HS6ST3: variants seen among roughly 807,000 people sequenced by gnomAD.
The protein encoded by HS6ST3 is heparan sulfate 6-O-sulfotransferase 3, also known as heparan-sulfate 6-O-sulfotransferase 3.
In HS6ST3, 12 loss-of-function variants were observed where a neutral mutation model predicts 36.7. That is an observed-to-expected ratio of 0.33 (90% CI 0.21 to 0.53). The LOEUF (loss-of-function observed/expected upper bound fraction) is 0.53, where lower values mean the gene tolerates loss of function less well. Among genes scored for constraint, HS6ST3 ranks in the 20% least tolerant of loss-of-function variants. The pLI is 0.95. For missense variants in HS6ST3, 584 were observed against 640.9 expected, an observed-to-expected ratio of 0.91 and a Z score of 0.96; for synonymous variants, 240 against 257.5, an observed-to-expected ratio of 0.93 and a Z score of 0.65.
At chr13:96,453,611 T>A (rs2055740552) in intron 1 of HS6ST3, among the ~76,000 whole-genome samples, 1 of 152,164 alleles carries the variant, frequency 6.6e-6, no homozygotes, top group Non-Finnish European at 1.5e-5. Flanking sequence ...GTCCTTTCAG[T>A]AGCATTGAAG....
At chr13:96,623,017 T>A (rs980932652) in intron 1 of HS6ST3, among the ~76,000 whole-genome samples, 1 of 152,226 alleles carries the variant, frequency 6.6e-6, no homozygotes, top group Non-Finnish European at 1.5e-5. Context: ...TAGTTTTTAT[T>A]CTACATCTCA....
intron 1 of HS6ST3, among the ~76,000 whole-genome samples, chr13:96,719,129 C>T (rs780286325): frequency 6.6e-6 from 1 of 151,996 alleles, no homozygotes; most frequent in South Asian, 2.1e-4. Context: ...AAAAAATTAG[C>T]AGGGTATGGT....
At chr13:96,408,749 C>T (rs1330734305) in intron 1 of HS6ST3, among the ~76,000 whole-genome samples, 3 of 151,930 alleles carry the variant, frequency 2.0e-5, no homozygotes, top group East Asian at 1.9e-4. Flanking sequence ...CATGGTGAAA[C>T]CCCGTCTTAC....
intron 1 of HS6ST3, among the ~76,000 whole-genome samples, chr13:96,628,470 T>C (rs2056520703): frequency 6.6e-6 from 1 of 152,072 alleles, no homozygotes; most frequent in Non-Finnish European, 1.5e-5. Context: ...AAGAGGAGGC[T>C]ATATTCTAAA....
At chr13:96,593,564 A>G (rs1055233269) in intron 1 of HS6ST3, among the ~76,000 whole-genome samples, 2 of 151,156 alleles carry the variant, frequency 1.3e-5, no homozygotes, top group Non-Finnish European at 2.9e-5. Context: ...TAATTCTACT[A>G]CTAAAAGACT....
At chr13:96,448,599 CT>C (rs2055710893) in intron 1 of HS6ST3, among the ~76,000 whole-genome samples, 1 of 152,092 alleles carries the variant, frequency 6.6e-6, no homozygotes, top group African/African-American at 2.4e-5. Context: ...ATTTATACTT[CT>C]AATAAATCAT....
chr13:96,453,955 T>C (rs540988479), intron 1 of HS6ST3, among the ~76,000 whole-genome samples: 2 of 152,280 alleles, frequency 1.3e-5, no homozygotes, highest in South Asian at 2.1e-4. Context: ...CTTTATCTTA[T>C]CCTCCTTACC....
chr13:96,662,155 G>A (rs940621452), intron 1 of HS6ST3, among the ~76,000 whole-genome samples: 3 of 151,982 alleles, frequency 2.0e-5, no homozygotes, highest in African/African-American at 7.2e-5. Flanking sequence ...GCAAGCCTAG[G>A]GACATTTTCG....
At chr13:96,424,530 T>C (rs1025219631) in intron 1 of HS6ST3, among the ~76,000 whole-genome samples, 2 of 152,214 alleles carry the variant, frequency 1.3e-5, no homozygotes, top group Non-Finnish European at 2.9e-5. Context: ...ATACAAATGA[T>C]AGAAATTTAT....
intron 1 of HS6ST3, among the ~76,000 whole-genome samples, chr13:96,453,949 A>G (rs2055742290): frequency 6.6e-6 from 1 of 152,104 alleles, no homozygotes. Context: ...TCTCCCCTTT[A>G]TCTTATCCTC....
intron 1 of HS6ST3, among the ~76,000 whole-genome samples, chr13:96,421,754 G>A (rs1028491251): frequency 2.0e-5 from 3 of 152,102 alleles, no homozygotes; most frequent in Non-Finnish European, 2.9e-5. Context: ...TTTTGAAAAC[G>A]ACTCTGGTAA....
At chr13:96,142,787 C>T (rs1566892413) in intron 1 of HS6ST3, among the ~76,000 whole-genome samples, 4 of 151,988 alleles carry the variant, frequency 2.6e-5, no homozygotes, top group African/African-American at 7.3e-5. Flanking sequence ...TTATCCTTCT[C>T]GTGTGCTTAT....
intron 1 of HS6ST3, among the ~76,000 whole-genome samples, chr13:96,758,725 A>G (rs1305876837): frequency 1.3e-5 from 2 of 151,902 alleles, no homozygotes; most frequent in Non-Finnish European, 2.9e-5. Flanking sequence ...GGTGACAGCT[A>G]TTCTATAAAA....
intron 1 of HS6ST3, among the ~76,000 whole-genome samples, chr13:96,554,034 G>T (rs917840360): frequency 6.6e-6 from 1 of 152,224 alleles, no homozygotes; most frequent in African/African-American, 2.4e-5. Flanking sequence ...GAATGCAGAA[G>T]ACTGAAGTAC....
chr13:96,687,896 T>C (rs558217417), intron 1 of HS6ST3, among the ~76,000 whole-genome samples: 57 of 151,982 alleles, frequency 3.8e-4, no homozygotes, highest in Non-Finnish European at 7.8e-4. Flanking sequence ...TCCATTTGCA[T>C]AATCTTGATA....
intron 1 of HS6ST3, among the ~76,000 whole-genome samples, chr13:96,152,523 G>C (rs1282908178): frequency 6.6e-6 from 1 of 152,012 alleles, no homozygotes; most frequent in Non-Finnish European, 1.5e-5. Context: ...ACTTTTAGTA[G>C]AGTCGGGGTT....
At chr13:96,432,974 C>T (rs1320776595) in intron 1 of HS6ST3, among the ~76,000 whole-genome samples, 2 of 152,076 alleles carry the variant, frequency 1.3e-5, no homozygotes, top group African/African-American at 4.8e-5. Context: ...GTAATTTTCC[C>T]TCTCATCTTT....
intron 1 of HS6ST3, among the ~76,000 whole-genome samples, chr13:96,195,095 A>G (rs1475822740): frequency 6.6e-6 from 1 of 152,184 alleles, no homozygotes; most frequent in Non-Finnish European, 1.5e-5. Flanking sequence ...TTGGGGGGAA[A>G]ATGATGCTTT....
At chr13:96,327,475 A>C (rs2055039187) in intron 1 of HS6ST3, among the ~76,000 whole-genome samples, 1 of 152,006 alleles carries the variant, frequency 6.6e-6, no homozygotes, top group South Asian at 2.1e-4. Flanking sequence ...GGTTTGTCAA[A>C]GATCAGATAG....
Sources: allele counts gnomAD v4.1 joint callset (sites outside exome capture counted in the v4.1 genomes callset), GRCh38; gene constraint gnomAD v4.1.1; transcripts MANE v1.5; gene names NCBI Gene and HGNC (gene_info 2026-07-23, HGNC 2026-07-21).